VAT1L: variants seen among roughly 807,000 people sequenced by gnomAD.
VAT1L encodes vesicle amine transport 1 like, also known as putative NADPH-dependent quinone oxidoreductase VAT1L.
A neutral mutation model predicts 44.1 loss-of-function variants in VAT1L; 34 were observed. That is an observed-to-expected ratio of 0.77 (90% CI 0.59 to 1.03). VAT1L has a LOEUF of 1.03. Ranked by LOEUF, VAT1L falls within the 50% of genes least tolerant of loss-of-function variation. The pLI, the probability that VAT1L is intolerant of heterozygous loss-of-function variation, is 0.00. For missense variants in VAT1L, 615 were observed against 538.8 expected, an observed-to-expected ratio of 1.14 and a Z score of -1.40; for synonymous variants, 253 against 202.2, an observed-to-expected ratio of 1.25 and a Z score of -2.13.
At chr16:77,813,634 A>G (rs774971131) in intron 1 of VAT1L, among the ~76,000 whole-genome samples, 18 of 152,136 alleles carry the variant, frequency 1.2e-4, no homozygotes, top group Non-Finnish European at 2.6e-4. Context: ...TCTTCCAGCT[A>G]TTGGCTTTTC....
chr16:77,901,639 G>A (rs2017384957), intron 7 of VAT1L, among the ~76,000 whole-genome samples: 1 of 152,098 alleles, frequency 6.6e-6, no homozygotes, highest in Admixed American at 6.5e-5. Flanking sequence ...TAACTCCCAG[G>A]TTTGCAGGCC....
chr16:77,908,353 T>C (rs2017461165), intron 7 of VAT1L, among the ~76,000 whole-genome samples: 1 of 149,550 alleles, frequency 6.7e-6, no homozygotes, highest in Non-Finnish European at 1.5e-5. Context: ...TCCCTGCTAC[T>C]TGGGAGGCTG....
intron 2 of VAT1L, among the ~76,000 whole-genome samples, chr16:77,821,699 C>T (rs998377397): frequency 6.6e-6 from 1 of 152,008 alleles, no homozygotes; most frequent in African/African-American, 2.4e-5. Context: ...ATAAAAGCAA[C>T]CATAAGGAGT....
intron 3 of VAT1L, among the ~76,000 whole-genome samples, chr16:77,858,799 G>C (rs555965695): frequency 5.1e-4 from 77 of 152,168 alleles, no homozygotes; most frequent in African/African-American, 1.6e-3. Flanking sequence ...AGGAATTCTA[G>C]ACCAGCCTGG....
intron 8 of VAT1L, among the ~76,000 whole-genome samples, chr16:77,973,711 T>C (rs1004597804): frequency 1.3e-5 from 2 of 152,008 alleles, no homozygotes; most frequent in Admixed American, 1.3e-4. Flanking sequence ...TCTTGCATAT[T>C]GTCATGTAAA....
At position 77,941,670 on chromosome 16, in the gene VAT1L, C is replaced by A. The variant is rs563934326; in HGVS notation, c.1078-30180C>A. Among the ~76,000 whole-genome samples the A allele has an allele frequency of 5.3e-5, 8 of 152,228 alleles. No homozygotes were observed. The East Asian group carries it at 1.2e-3, about 22-fold the overall frequency. ...GCATGATCTTGGCTCGCTGCAACCT[C>A]CAGCTCCCGGGTTTAAGCTATTGTC... is the stretch of plus-strand genomic sequence containing the variant. On this transcript the variant is annotated intron_variant, in intron 7 of 8. Transcript: ENST00000302536.
chr16:77,805,582 C>T (rs1415507664), intron 1 of VAT1L, among the ~76,000 whole-genome samples: 2 of 102,154 alleles, frequency 2.0e-5, no homozygotes, highest in East Asian at 2.2e-4. Context: ...CACAAAGCCT[C>T]GCACGAGGTC....
At chr16:77,807,606 A>C (rs2016185394) in intron 1 of VAT1L, among the ~76,000 whole-genome samples, 1 of 152,080 alleles carries the variant, frequency 6.6e-6, no homozygotes, top group African/African-American at 2.4e-5. Context: ...CTCTTGCTGC[A>C]AATCTCAGTC....
intron 7 of VAT1L, among the ~76,000 whole-genome samples, chr16:77,930,037 A>T (rs2017711404): frequency 1.3e-5 from 2 of 152,150 alleles, no homozygotes; most frequent in African/African-American, 4.8e-5. Flanking sequence ...ATGAACCTCC[A>T]ACCAATACCC....
chr16:77,903,206 CT>C (rs2017403127), intron 7 of VAT1L, among the ~76,000 whole-genome samples: 2 of 152,114 alleles, frequency 1.3e-5, no homozygotes. Context: ...GTTTTCTCAC[CT>C]GTAAATTTGG....
intron 4 of VAT1L, 81 bp from the exon 5 acceptor site, chr16:77,876,289 A>G (rs771334267): frequency 1.8e-4 from 226 of 1,263,552 alleles, no homozygotes; most frequent in Non-Finnish European, 2.5e-4. Context: ...GAGTCAGACA[A>G]TATGACACAG....
intron 1 of VAT1L, among the ~76,000 whole-genome samples, chr16:77,808,271 T>C (rs1871042424): frequency 6.6e-6 from 1 of 152,052 alleles, no homozygotes; most frequent in Non-Finnish European, 1.5e-5. Flanking sequence ...CTTATGAAAA[T>C]CTAATGCCTG....
At chr16:77,977,331 C>T (rs2018351968) in intron 8 of VAT1L, among the ~76,000 whole-genome samples, 1 of 152,198 alleles carries the variant, frequency 6.6e-6, no homozygotes, top group Admixed American at 6.5e-5. Flanking sequence ...TGGATTCTTC[C>T]CCTTTTTGGT....
intron 7 of VAT1L, among the ~76,000 whole-genome samples, chr16:77,933,431 C>A (rs888351540): frequency 6.6e-6 from 1 of 152,190 alleles, no homozygotes; most frequent in Non-Finnish European, 1.5e-5. Flanking sequence ...CTACCTGAAC[C>A]ATTTACTAGT....
At chr16:77,869,572 G>T (rs1312006358) in intron 4 of VAT1L, among the ~76,000 whole-genome samples, 1 of 152,204 alleles carries the variant, frequency 6.6e-6, no homozygotes. Context: ...GGGAGGCTGA[G>T]ACAGGAGGAT....
intron 4 of VAT1L, among the ~76,000 whole-genome samples, chr16:77,872,717 G>A (rs921140143): frequency 3.3e-5 from 5 of 152,112 alleles, no homozygotes; most frequent in South Asian, 2.1e-4. Flanking sequence ...TCCAATGCTC[G>A]TAAGTTGCTC....
At chr16:77,838,040 T>C (rs2016659486) in intron 3 of VAT1L, among the ~76,000 whole-genome samples, 1 of 152,234 alleles carries the variant, frequency 6.6e-6, no homozygotes, top group African/African-American at 2.4e-5. Flanking sequence ...TGACAGCCGC[T>C]GCTCCATGCT....
At chr16:77,858,773 T>A (rs114098129) in intron 3 of VAT1L, among the ~76,000 whole-genome samples, 2,117 of 152,150 alleles carry the variant, frequency 0.014, 55 homozygotes, top group African/African-American at 0.048. Context: ...GAAGCCAAGA[T>A]TGATTACTTG....
At chr16:77,826,202 G>A (rs1163864981) in intron 3 of VAT1L, among the ~76,000 whole-genome samples, 15 of 53,064 alleles carry the variant, frequency 2.8e-4, no homozygotes, top group South Asian at 1.1e-3. Context: ...GCGAGACTCC[G>A]TCTCAAAAAA....
Sources: gnomAD v4.1 joint callset for allele counts (sites outside exome capture counted in the v4.1 genomes callset) on GRCh38, gnomAD v4.1.1 for gene constraint, MANE v1.5 for transcripts, NCBI Gene and HGNC (gene_info 2026-07-23, HGNC 2026-07-21) for gene names.